The following CNTN5 variants were observed in gnomAD, a reference collection of about 807,000 sequenced individuals.
CNTN5 encodes contactin-5.
A neutral mutation model predicts 129.1 loss-of-function variants in CNTN5; 77 were observed. The ratio of observed to expected loss-of-function variants is 0.60; its 90% CI spans 0.50 to 0.72. The LOEUF is 0.72. Among genes scored for constraint, CNTN5 ranks in the 30% least tolerant of loss-of-function variants. CNTN5 has a pLI of 0.00. For synonymous variants in CNTN5, 509 were observed against 465.6 expected, an observed-to-expected ratio of 1.09 and a Z score of -1.20; for missense variants, 1,478 against 1,328.8, an observed-to-expected ratio of 1.11 and a Z score of -1.75.
At chr11:99,040,992 C>T (rs898958043) in intron 1 of CNTN5, among the ~76,000 whole-genome samples, 5 of 152,064 alleles carry the variant, frequency 3.3e-5, no homozygotes, top group African/African-American at 1.2e-4. Context: ...AGGAACTAAA[C>T]CAAATGTATT....
chr11:99,469,083 T>C (rs974188214), intron 2 of CNTN5, among the ~76,000 whole-genome samples: 1 of 151,750 alleles, frequency 6.6e-6, no homozygotes, highest in African/African-American at 2.4e-5. Context: ...TAAGATACTG[T>C]AGTACTGGTA....
At chr11:99,769,449 A>G (rs74731841) in intron 3 of CNTN5, among the ~76,000 whole-genome samples, 2,344 of 152,234 alleles carry the variant, frequency 0.015, 49 homozygotes, top group African/African-American at 0.053. Flanking sequence ...TCAGTGATAT[A>G]TGGTTTTTCC....
intron 1 of CNTN5, among the ~76,000 whole-genome samples, chr11:99,219,961 T>C (rs1860318592): frequency 6.6e-6 from 1 of 152,012 alleles, no homozygotes; most frequent in South Asian, 2.1e-4. Flanking sequence ...TCAAAGAGAC[T>C]GGGTCTAAAA....
intron 21 of CNTN5, among the ~76,000 whole-genome samples, chr11:100,339,260 C>T (rs1185744154): frequency 6.6e-6 from 1 of 151,824 alleles, no homozygotes; most frequent in African/African-American, 2.4e-5. Flanking sequence ...GTCCCGAGCT[C>T]TTGTCTGGTG....
intron 1 of CNTN5, among the ~76,000 whole-genome samples, chr11:99,214,835 T>C (rs1204793425): frequency 1.3e-5 from 2 of 152,108 alleles, no homozygotes; most frequent in Non-Finnish European, 2.9e-5. Flanking sequence ...CCAACTCAGC[T>C]ACCCTCCTGA....
chr11:99,727,539 A>C (rs1261579767), intron 3 of CNTN5, among the ~76,000 whole-genome samples: 1 of 151,902 alleles, frequency 6.6e-6, no homozygotes. Flanking sequence ...GTAAGCATCA[A>C]ATTTTCCTGG....
At chr11:100,112,402 T>G (rs548090650) in intron 13 of CNTN5, among the ~76,000 whole-genome samples, 1 of 152,258 alleles carries the variant, frequency 6.6e-6, no homozygotes, top group East Asian at 1.9e-4. Flanking sequence ...ACACTGATAA[T>G]AGTAGAGAAA....
chr11:99,775,544 AG>A (rs1254690813), intron 3 of CNTN5, among the ~76,000 whole-genome samples: 1 of 152,002 alleles, frequency 6.6e-6, no homozygotes, highest in African/African-American at 2.4e-5. Context: ...AATGAGAGAA[AG>A]AAAGAAACAG....
chr11:99,992,908 A>T (rs752410710), intron 8 of CNTN5, among the ~76,000 whole-genome samples: 1 of 152,192 alleles, frequency 6.6e-6, no homozygotes, highest in Non-Finnish European at 1.5e-5. Flanking sequence ...ATAAGCCAGG[A>T]TAGACAGGTC....
At chr11:99,881,799 A>G (rs1189484431) in intron 6 of CNTN5, among the ~76,000 whole-genome samples, 1 of 152,200 alleles carries the variant, frequency 6.6e-6, no homozygotes, top group Non-Finnish European at 1.5e-5. Context: ...CCAGCCGTGT[A>G]TCGCAGAGCT....
intron 13 of CNTN5, among the ~76,000 whole-genome samples, chr11:100,121,502 G>A (rs1946020687): frequency 6.6e-6 from 1 of 151,946 alleles, no homozygotes; most frequent in Non-Finnish European, 1.5e-5. Context: ...AAACAGTGGG[G>A]GCAGGGGGTG....
At chr11:99,999,744 C>A (rs575022047) in intron 8 of CNTN5, among the ~76,000 whole-genome samples, 21 of 152,012 alleles carry the variant, frequency 1.4e-4, no homozygotes, top group Non-Finnish European at 2.9e-4. Context: ...ATAGCAAAGA[C>A]TTGGAACCAA....
intron 1 of CNTN5, among the ~76,000 whole-genome samples, chr11:99,161,167 T>C (rs938571314): frequency 3.3e-5 from 5 of 152,136 alleles, no homozygotes; most frequent in African/African-American, 1.2e-4. Flanking sequence ...AATATTTGTT[T>C]GCATGTTAAT....
At chr11:99,689,534 A>AG (rs1174712071) in intron 3 of CNTN5, among the ~76,000 whole-genome samples, 2 of 147,724 alleles carry the variant, frequency 1.4e-5, no homozygotes, top group African/African-American at 5.0e-5. Context: ...AAAAAAGAAA[A>AG]AAAAAAAAAA....
intron 1 of CNTN5, among the ~76,000 whole-genome samples, chr11:99,110,656 G>C (rs1591207230): frequency 6.6e-6 from 1 of 152,090 alleles, no homozygotes; most frequent in East Asian, 1.9e-4. Flanking sequence ...CTCGTCAGCA[G>C]ATAATTACTC....
At chr11:99,327,030 C>A (rs935816511) in intron 2 of CNTN5, among the ~76,000 whole-genome samples, 4 of 152,146 alleles carry the variant, frequency 2.6e-5, no homozygotes, top group Non-Finnish European at 5.9e-5. Flanking sequence ...AACTCATAAT[C>A]ATGGACGCAC....
intron 6 of CNTN5, among the ~76,000 whole-genome samples, chr11:99,872,362 C>T (rs988878290): frequency 5.6e-4 from 85 of 152,058 alleles, no homozygotes; most frequent in African/African-American, 1.9e-3. Context: ...TTATAAATTT[C>T]GGTTCTGATT....
chr11:99,166,603 C>A (rs1260324775), intron 1 of CNTN5, among the ~76,000 whole-genome samples: 5 of 151,946 alleles, frequency 3.3e-5, no homozygotes, highest in Admixed American at 1.3e-4. Context: ...CATTTATAGA[C>A]TTTCTTTGAT....
intron 3 of CNTN5, among the ~76,000 whole-genome samples, chr11:99,703,904 A>C (rs1954638772): frequency 6.6e-6 from 1 of 151,120 alleles, no homozygotes; most frequent in South Asian, 2.1e-4. Flanking sequence ...ATGATATATA[A>C]GAAATGATTA....
Sources: gnomAD v4.1 joint callset for allele counts (sites outside exome capture counted in the v4.1 genomes callset) on GRCh38, gnomAD v4.1.1 for gene constraint, MANE v1.5 for transcripts, NCBI Gene and HGNC (gene_info 2026-07-23, HGNC 2026-07-21) for gene names.